Variants in CNKSR2 observed in about 807,000 individuals in gnomAD.
The protein encoded by CNKSR2 is connector enhancer of kinase suppressor of Ras 2.
In CNKSR2, 14 loss-of-function variants were observed where a neutral mutation model predicts 84.4. The observed-to-expected ratio is 0.17, with a 90% confidence interval of 0.11 to 0.26. CNKSR2 has a LOEUF of 0.26. CNKSR2 is among the 10% of genes least tolerant of loss of function. The probability of loss-of-function intolerance (pLI) is 1.00; values close to 1 mark genes in which losing one functional copy is unlikely to be tolerated. For synonymous variants in CNKSR2, 275 were observed against 277.9 expected, an observed-to-expected ratio of 0.99 and a Z score of 0.10; for missense variants, 485 against 771.2, an observed-to-expected ratio of 0.63 and a Z score of 4.40.
intron 3 of CNKSR2, among the ~76,000 whole-genome samples, chrX:21,436,495 G>A (rs989050843): frequency 2.9e-4 from 32 of 111,260 alleles, no homozygotes; most frequent in African/African-American, 1.0e-3. Flanking sequence ...GAGTACAGTC[G>A]CTTAATTTTT....
chrX:21,543,702 G>A (rs933131591), intron 11 of CNKSR2, among the ~76,000 whole-genome samples: 1 of 112,057 alleles, frequency 8.9e-6, no homozygotes, highest in Non-Finnish European at 1.9e-5. Flanking sequence ...TAACCTCCCT[G>A]TATTTTTGTT....
intron 1 of CNKSR2, among the ~76,000 whole-genome samples, chrX:21,388,341 T>A (rs1415894569): frequency 8.9e-6 from 1 of 112,439 alleles, no homozygotes; most frequent in Admixed American, 9.4e-5. Flanking sequence ...AGGAGAAATG[T>A]TAATGGACCA....
chrX:21,463,496 G>A (rs942203021), intron 4 of CNKSR2, among the ~76,000 whole-genome samples: 4 of 111,462 alleles, frequency 3.6e-5, no homozygotes, highest in African/African-American at 6.5e-5. Flanking sequence ...TTATGGCTTC[G>A]ATCTCATTGC....
intron 1 of CNKSR2, among the ~76,000 whole-genome samples, chrX:21,417,058 A>C (rs1332445107): frequency 3.6e-5 from 4 of 111,556 alleles, no homozygotes; most frequent in African/African-American, 1.3e-4. Flanking sequence ...ATATAACTAT[A>C]AATTTCCCTC....
At chrX:21,426,951 G>T in intron 2 of CNKSR2, 1 of 284,638 alleles carries the variant, frequency 3.5e-6, no homozygotes, top group East Asian at 7.5e-5. Flanking sequence ...AACCACTCAT[G>T]TGCTAGGCTC....
At chrX:21,488,287 G>A (rs776342994) in intron 5 of CNKSR2, among the ~76,000 whole-genome samples, 62 of 112,025 alleles carry the variant, frequency 5.5e-4, no homozygotes, top group Non-Finnish European at 9.8e-4. Flanking sequence ...TTTATTGGGT[G>A]TCTTTTTTGG....
chrX:21,374,624 AGCAGCAGCCGCC>A lies in CNKSR2; in HGVS notation c.-271_-260del. ...CAGCAGCAGCAGCAGCAGCAGCAGC[AGCAGCAGCCGCC>A]GCCGCCGCCGCCTTAGCGGGAACTG... On this transcript the variant is annotated 5_prime_UTR_variant, in exon 1 of 22. Coordinates refer to ENST00000379510, the MANE Select transcript of CNKSR2 (RefSeq NM_014927.5). 2.0e-6 allele frequency: 1 copy of A among 510,138 alleles called. No homozygotes were observed. Among genetic ancestry groups the A allele is most frequent in the Non-Finnish European group, 3.4e-6 (1 of 291,348 alleles). The allele number at this position is 510,138 out of a possible 1,213,427, so 42.0% of individuals were successfully genotyped here.
intron 13 of CNKSR2, among the ~76,000 whole-genome samples, chrX:21,565,482 A>G (rs1454664464): frequency 1.8e-5 from 2 of 111,850 alleles, no homozygotes; most frequent in East Asian, 5.6e-4. Context: ...ATTCTAAGAA[A>G]GAAATCAGAG....
At chrX:21,517,386 A>G (rs769852836) in intron 9 of CNKSR2, among the ~76,000 whole-genome samples, 12 of 110,580 alleles carry the variant, frequency 1.1e-4, no homozygotes, top group Non-Finnish European at 2.1e-4. Context: ...ATCTCTTAAA[A>G]AAAAATGTAC....
intron 11 of CNKSR2, among the ~76,000 whole-genome samples, chrX:21,554,019 C>A (rs1164982470): frequency 9.0e-6 from 1 of 111,387 alleles, no homozygotes; most frequent in African/African-American, 3.3e-5. Context: ...TCCTCCCACA[C>A]CCCTCTAATG....
At chrX:21,475,819 A>C (rs1372782186) in intron 5 of CNKSR2, among the ~76,000 whole-genome samples, 1 of 111,659 alleles carries the variant, frequency 9.0e-6, no homozygotes, top group Non-Finnish European at 1.9e-5. Context: ...TTGAGATTAG[A>C]AGTGTCTCGG....
At chrX:21,390,638 C>T (rs189240489) in intron 1 of CNKSR2, among the ~76,000 whole-genome samples, 51 of 111,779 alleles carry the variant, frequency 4.6e-4, no homozygotes, top group African/African-American at 1.6e-3. Context: ...GATTACAATT[C>T]GACCTGAGTT....
At chrX:21,479,703 G>A (rs766220729) in intron 5 of CNKSR2, among the ~76,000 whole-genome samples, 1 of 111,236 alleles carries the variant, frequency 9.0e-6, no homozygotes, top group South Asian at 3.9e-4. Flanking sequence ...GGCTGAGAAG[G>A]TGTGGCTGCA....
At chrX:21,416,173 T>A (rs2090419437) in intron 1 of CNKSR2, among the ~76,000 whole-genome samples, 1 of 112,108 alleles carries the variant, frequency 8.9e-6, no homozygotes, top group South Asian at 3.7e-4. Flanking sequence ...TTTTATTAAA[T>A]GCTTTTTCAG....
intron 1 of CNKSR2, among the ~76,000 whole-genome samples, chrX:21,419,531 A>G (rs1222204912): frequency 1.8e-5 from 2 of 110,954 alleles, no homozygotes; most frequent in Non-Finnish European, 3.8e-5. Context: ...ACTTGTTTGT[A>G]CCCATCCTTC....
At chrX:21,377,145 A>G (rs879170904) in intron 1 of CNKSR2, among the ~76,000 whole-genome samples, 1 of 112,277 alleles carries the variant, frequency 8.9e-6, no homozygotes, top group Non-Finnish European at 1.9e-5. Flanking sequence ...TGTATCGTGT[A>G]TACATATGAC....
intron 1 of CNKSR2, among the ~76,000 whole-genome samples, chrX:21,402,847 A>G (rs1470012026): frequency 1.8e-5 from 2 of 110,842 alleles, no homozygotes; most frequent in African/African-American, 3.3e-5. Flanking sequence ...TAAAACCTCT[A>G]TCATAAAAAC....
intron 10 of CNKSR2, 145 bp from the exon 11 acceptor site, chrX:21,531,711 C>T (rs2091887882): frequency 2.7e-6 from 1 of 375,096 alleles, no homozygotes; most frequent in African/African-American, 2.6e-5. Context: ...AGAATAATTA[C>T]AAATTGCCCT....
At chrX:21,624,274 G>T (rs983397366) in intron 20 of CNKSR2, among the ~76,000 whole-genome samples, 3 of 111,765 alleles carry the variant, frequency 2.7e-5, no homozygotes, top group Non-Finnish European at 5.6e-5. Context: ...ACTAAGCAGG[G>T]TGTGGCTATC....
Sources: gnomAD v4.1 joint callset for allele counts (sites outside exome capture counted in the v4.1 genomes callset) on GRCh38, gnomAD v4.1.1 for gene constraint, MANE v1.5 for transcripts, NCBI Gene and HGNC (gene_info 2026-07-23, HGNC 2026-07-21) for gene names.